The following ANKS1B variants were observed in gnomAD, a reference collection of about 807,000 sequenced individuals.
ANKS1B encodes ankyrin repeat and sterile alpha motif domain-containing protein 1B.
Under a neutral mutation model 148.3 loss-of-function variants are expected in ANKS1B, and 36 were observed. That is an observed-to-expected ratio of 0.24 (90% CI 0.19 to 0.32). The LOEUF (loss-of-function observed/expected upper bound fraction) is 0.32, where lower values mean the gene tolerates loss of function less well. ANKS1B is among the 10% of genes least tolerant of loss of function. The probability of loss-of-function intolerance (pLI) is 1.00; values close to 1 mark genes in which losing one functional copy is unlikely to be tolerated. For missense variants in ANKS1B, 1,157 were observed against 1,542.6 expected, an observed-to-expected ratio of 0.75 and a Z score of 4.19; for synonymous variants, 542 against 560.8, an observed-to-expected ratio of 0.97 and a Z score of 0.47.
chr12:99,551,451 G>A (rs989264889), intron 9 of ANKS1B, among the ~76,000 whole-genome samples: 3 of 148,404 alleles, frequency 2.0e-5, no homozygotes, highest in Non-Finnish European at 3.0e-5. Flanking sequence ...AAGGTAAGCC[G>A]CTTTATGGCA....
intron 1 of ANKS1B, among the ~76,000 whole-genome samples, chr12:99,917,522 C>G (rs1474415374): frequency 6.6e-6 from 1 of 152,206 alleles, no homozygotes. Flanking sequence ...AGAACCATCC[C>G]TCAAAAAAGC....
intron 17 of ANKS1B, among the ~76,000 whole-genome samples, chr12:98,862,479 GA>G (rs142640168): frequency 0.046 from 6,954 of 152,162 alleles, 534 homozygotes; most frequent in African/African-American, 0.16. Flanking sequence ...ATTATTACTA[GA>G]AAAAAATTGA....
In ANKS1B at chr12:99,265,776, A is replaced by G. The variant is rs755314517; in HGVS notation, c.1757-18912T>C. On this transcript the variant is annotated intron_variant, in intron 12 of 26. Transcript: ENST00000683438. ...TTTCCAGTGGGACTGGCAGGATCCAATGGTACCTCCTCACTGCCCCCATGT... is the reference window on the plus strand; with the variant it reads ...TTTCCAGTGGGACTGGCAGGATCCAGTGGTACCTCCTCACTGCCCCCATGT... 6.6e-5 allele frequency among the ~76,000 whole-genome samples: 10 copies of G among 152,240 alleles called. No homozygotes were observed. The East Asian group carries it at 1.5e-3, about 24-fold the overall frequency.
intron 19 of ANKS1B, among the ~76,000 whole-genome samples, chr12:98,817,867 T>C (rs775234038): frequency 6.6e-6 from 1 of 152,160 alleles, no homozygotes; most frequent in Non-Finnish European, 1.5e-5. Flanking sequence ...CCCCTGTGCC[T>C]GTGGGGAGGA....
intron 16 of ANKS1B, among the ~76,000 whole-genome samples, chr12:99,071,282 C>A (rs202058680): frequency 2.0e-5 from 3 of 152,288 alleles, no homozygotes; most frequent in East Asian, 3.9e-4. Flanking sequence ...GCAGACATAA[C>A]TTGAACAGAA....
At chr12:99,150,703 A>C (rs1231889263) in intron 15 of ANKS1B, among the ~76,000 whole-genome samples, 1 of 152,140 alleles carries the variant, frequency 6.6e-6, no homozygotes, top group Non-Finnish European at 1.5e-5. Flanking sequence ...TATAGTAATC[A>C]CTTCATACCT....
intron 9 of ANKS1B, among the ~76,000 whole-genome samples, chr12:99,651,545 T>G (rs1020151202): frequency 6.6e-6 from 1 of 152,148 alleles, no homozygotes; most frequent in Admixed American, 6.5e-5. Flanking sequence ...ATAGAAGGGA[T>G]CATTGTTAAA....
chr12:99,498,426 C>G (rs2096624496), intron 10 of ANKS1B, among the ~76,000 whole-genome samples: 1 of 152,180 alleles, frequency 6.6e-6, no homozygotes, highest in Admixed American at 6.5e-5. Context: ...TCTGCACACA[C>G]TGCCCCTTGC....
At chr12:99,612,212 G>T (rs1289171194) in intron 9 of ANKS1B, among the ~76,000 whole-genome samples, 1 of 152,020 alleles carries the variant, frequency 6.6e-6, no homozygotes, top group Non-Finnish European at 1.5e-5. Context: ...ATATCCCAAA[G>T]ATTAATGGTC....
chr12:99,227,476 G>GA (rs566207344), intron 14 of ANKS1B, among the ~76,000 whole-genome samples: 1 of 152,294 alleles, frequency 6.6e-6, no homozygotes, highest in African/African-American at 2.4e-5. Flanking sequence ...AACACAGTGG[G>GA]ATGTTTACAT....
chr12:98,735,255 T>C, exon 10 of ANKS1B: 1 of 399,484 alleles, frequency 2.5e-6, no homozygotes, highest in Non-Finnish European at 4.4e-6. Context: ...TTTTGTATTA[T>C]AAATTACATT....
At chr12:98,935,097 G>A (rs1470982108) in intron 17 of ANKS1B, among the ~76,000 whole-genome samples, 5 of 152,032 alleles carry the variant, frequency 3.3e-5, no homozygotes, top group South Asian at 2.1e-4. Context: ...TTGAGTATGA[G>A]GTTGGCTGTG....
In ANKS1B at chr12:99,806,441, T is replaced by C. The variant is rs1330254673; in HGVS notation, c.632A>G (p.Gln211Arg). Reference sequence around the variant, plus strand: ...ATCCATTCCTGCCTCCAGCAGCACCTGCACGACTGCTTTGTGGCCATTGCG... The same window carrying C: ...ATCCATTCCTGCCTCCAGCAGCACCCGCACGACTGCTTTGTGGCCATTGCG... ...AARNGHKAVVQVLLEAGMDVS... is the reference protein window; with the variant it reads ...AARNGHKAVVRVLLEAGMDVS... Residue 211 changes from glutamine to arginine, a missense_variant, in exon 4 of 27, where the codon CAG (glutamine) becomes CGG (arginine). Transcript: ENST00000683438. The C allele has an allele frequency of 1.2e-6, 2 of 1,613,974 alleles. No homozygotes were observed. Among genetic ancestry groups the C allele is most frequent in the East Asian group, 2.2e-5 (1 of 44,870 alleles).
At chr12:99,135,332 G>A (rs1388173944) in intron 15 of ANKS1B, among the ~76,000 whole-genome samples, 1 of 152,140 alleles carries the variant, frequency 6.6e-6, no homozygotes. Context: ...AAAGGCAATT[G>A]AAACGAAGAG....
chr12:99,416,818 T>C (rs1271348473), intron 11 of ANKS1B, among the ~76,000 whole-genome samples: 1 of 152,206 alleles, frequency 6.6e-6, no homozygotes, highest in Non-Finnish European at 1.5e-5. Flanking sequence ...TTAATAGGGT[T>C]TTTCACAGAG....
At chr12:98,766,699 T>A (rs1235672825) in intron 25 of ANKS1B, among the ~76,000 whole-genome samples, 1 of 152,348 alleles carries the variant, frequency 6.6e-6, no homozygotes, top group East Asian at 1.9e-4. Context: ...ATCTTTAAGT[T>A]CTCACTTTGT....
Position 99,698,709 on chromosome 12 carries a change from A to G in ANKS1B, c.1129-43499T>C, listed in dbSNP as rs79786253. 6.6e-3 allele frequency among the ~76,000 whole-genome samples: 1,000 copies of G among 152,286 alleles called. 14 individuals are homozygous for G. The highest frequency in any genetic ancestry group is 0.023 in the African/African-American group (938 of 41,568). ...ATTGCGTCTTATCTGTAGTTGGGAC[A>G]TGCTGTTTCATTCTTGGAAAATTTC... On this transcript the variant is annotated intron_variant, in intron 8 of 26. Coordinates refer to ENST00000683438, the MANE Select transcript of ANKS1B (RefSeq NM_001352186.2).
intron 2 of ANKS1B, among the ~76,000 whole-genome samples, chr12:99,812,885 G>A (rs2068608279): frequency 6.6e-6 from 1 of 151,548 alleles, no homozygotes; most frequent in Non-Finnish European, 1.5e-5. Flanking sequence ...GATTTAAGGG[G>A]TATGTAAAAG....
intron 14 of ANKS1B, among the ~76,000 whole-genome samples, chr12:99,230,970 G>A (rs1277736049): frequency 6.6e-6 from 1 of 152,068 alleles, no homozygotes; most frequent in East Asian, 1.9e-4. Context: ...ATTAAAAATA[G>A]TACTGTAAAA....
Sources: gnomAD v4.1 joint callset for allele counts (sites outside exome capture counted in the v4.1 genomes callset) on GRCh38, gnomAD v4.1.1 for gene constraint, MANE v1.5 for transcripts, NCBI Gene and HGNC (gene_info 2026-07-23, HGNC 2026-07-21) for gene names.